The following ATXN7L2 variants were observed in gnomAD, a reference collection of about 807,000 sequenced individuals.
ATXN7L2 encodes ataxin-7-like protein 2.
Under a neutral mutation model 59.6 loss-of-function variants are expected in ATXN7L2, and 17 were observed. The ratio of observed to expected loss-of-function variants is 0.29; its 90% CI spans 0.20 to 0.43. ATXN7L2 has a LOEUF of 0.43. ATXN7L2 is among the 20% of genes least tolerant of loss of function. ATXN7L2 has a pLI of 1.00. For missense variants in ATXN7L2, 858 were observed against 1,008.9 expected (o/e 0.85, Z 2.03); for synonymous variants, 378 against 392.5 (o/e 0.96, Z 0.44).
In ATXN7L2 at chr1:109,489,041, T is replaced by C; in HGVS notation, c.1074T>C (p.Ala358=). ...SSVQVVAAVA[A]PSSTFSVRAK... ...TCCAGGTTGTAGCAGCGGTGGCTGC[T>C]CCCAGCAGCACCTTCTCTGTTCGTG... The change falls in exon 7 of 11, where the codon GCT becomes GCC. Residue 358 remains alanine, a synonymous_variant. Coordinates refer to ENST00000683729, the MANE Select transcript of ATXN7L2 (RefSeq NM_001350175.2). 6.2e-7 allele frequency: 1 copy of C among 1,614,102 alleles called. No homozygotes were observed. Among genetic ancestry groups the C allele is most frequent in the African/African-American group, 1.3e-5 (1 of 75,036 alleles).
rs772939744 is a variant in ATXN7L2 at position 109,491,554 on chromosome 1, C to T, written c.2087C>T (p.Ser696Phe). 1.2e-6 allele frequency: 2 copies of T among 1,614,002 alleles called. No individual in the cohort carries two copies. The highest frequency in any genetic ancestry group is 3.3e-5 in the Admixed American group (2 of 60,034). Residue 696 changes from serine (S) to phenylalanine (F), a missense_variant, in exon 10 of 11, where the codon TCT (serine) becomes TTT (phenylalanine). This residue lies in a region of ATXN7L2 where 734 missense variants were observed against 862.3 expected (regional missense o/e 0.85). Transcript: ENST00000683729. This position sits in a 1 kb window ranked among gnomAD's most constrained non-coding sequence, Gnocchi z 4.1. ...AAGGCCCTGCCAACCAACTGCCTCT[C>T]TGAGGAGGAGGTGGCCAAGAAGCGG... The part of the protein sequence containing the change: ...PAKALPTNCL[S>F]EEEVAKKRKN...
rs552714197 is a variant in ATXN7L2, at chr1:109,488,318, G to A, written c.797-65G>A. 1.8e-5 allele frequency: 27 copies of A among 1,467,282 alleles called. No individual in the cohort carries two copies. The highest frequency in any genetic ancestry group is 8.4e-5 in the African/African-American group (6 of 71,306). 90.9% of individuals were successfully genotyped at this position (1,467,282 alleles called of 1,614,324 possible). A position where few individuals can be genotyped will look rare whatever the true frequency, so the allele number is the denominator to read the frequency against. ...AGTTCTCAGGCCCTTGGCAGGAAGC[G>A]GCCAAATCCTCCTGTAAACTCCTGG... On this transcript the variant is annotated intron_variant, in intron 5 of 10. Coordinates refer to ENST00000683729, the MANE Select transcript of ATXN7L2 (RefSeq NM_001350175.2). This position sits in a 1 kb window ranked among gnomAD's most constrained non-coding sequence, Gnocchi z 5.0.
intron 7 of ATXN7L2, chr1:109,489,390 GA>G: frequency 2.1e-6 from 1 of 473,126 alleles, no homozygotes; most frequent in Non-Finnish European, 3.8e-6. Flanking sequence ...CTGGGGAGCT[GA>G]AAGGGTCACA....
chr1:109,485,118 G>C (rs1656481313), intron 1 of ATXN7L2: 1 of 310,466 alleles, frequency 3.2e-6, no homozygotes, highest in Non-Finnish European at 4.7e-6. Flanking sequence ...CCCTGGGGCT[G>C]CCCCATGCTG....
chr1:109,483,918 C>T lies in ATXN7L2; in HGVS notation c.-36C>T, dbSNP rs1656366141. 52 of 1,165,768 alleles carry T rather than the reference C, an allele frequency of 4.5e-5. No individual in the cohort carries two copies. Among genetic ancestry groups the T allele is most frequent in the Non-Finnish European group, 5.4e-5 (51 of 945,098 alleles). 72.2% of individuals were successfully genotyped at this position (1,165,768 alleles called of 1,614,324 possible). The stretch of plus-strand genomic sequence containing the variant: ...GGGCGAGGGGGAGGGGGCCGCGCGG[C>T]GGCGGCGCCAGGGCGGGCGCGCGTC... On this transcript the variant is annotated 5_prime_UTR_variant, in exon 1 of 11. Transcript: ENST00000683729.
rs746324253 is a variant in ATXN7L2 at position 109,491,157 on chromosome 1, A to G, written c.1690A>G (p.Ile564Val). 3.7e-6 allele frequency: 6 copies of G among 1,613,622 alleles called. No individual in the cohort carries two copies. Among genetic ancestry groups the G allele is most frequent in the Middle Eastern group, 3.3e-4 (2 of 6,062 alleles). ...QAECMGGSQA[I>V]TSPLPANTPS... ...AGAGTGCATGGGCGGGAGCCAGGCTATCACCTCACCACTGCCTGCCAACAC... is the reference window on the plus strand; with the variant it reads ...AGAGTGCATGGGCGGGAGCCAGGCTGTCACCTCACCACTGCCTGCCAACAC... Residue 564 changes from isoleucine (I) to valine (V), a missense_variant, in exon 10 of 11, where the codon ATC (isoleucine) becomes GTC (valine). By Grantham distance (29) the Ile-to-Val change is conservative (BLOSUM62 3). Coordinates refer to ENST00000683729, the MANE Select transcript of ATXN7L2 (RefSeq NM_001350175.2). The surrounding 1 kb of genome is among the most constrained non-coding windows in gnomAD (Gnocchi z 4.1).
intron 1 of ATXN7L2, chr1:109,485,838 T>C: frequency 8.3e-7 from 1 of 1,208,870 alleles, no homozygotes; most frequent in Non-Finnish European, 1.0e-6. Flanking sequence ...AGATGGGCAT[T>C]TGAGAATGGA....
rs929533508 is a variant in ATXN7L2, at chr1:109,487,787, C to T, written c.779C>T (p.Thr260Ile). The T allele has an allele frequency of 4.4e-6, 7 of 1,599,852 alleles. No homozygotes were observed. The African/African-American group carries it at 6.8e-5, about 15-fold the overall frequency. The change falls in exon 5 of 11, where the codon ACC becomes ATC. Residue 260 changes from threonine to isoleucine, a missense_variant. Around this residue, in one of 3 missense-constraint regions of ATXN7L2, gnomAD observed 734 missense variants for 862.3 expected, o/e 0.85. Transcript: ENST00000683729. ...AGTGGGACCAGGCTGCCCCCTAAAA[C>T]CCACCGGAAGATGGCTCGTGAGTAG... is the stretch of plus-strand genomic sequence containing the variant. Reference protein sequence around the residue: ...EPSGTRLPPKTHRKMARKECD... With the variant: ...EPSGTRLPPKIHRKMARKECD...
intron 8 of ATXN7L2, 54 bp downstream of exon 8, chr1:109,490,182 A>G: frequency 6.3e-7 from 1 of 1,574,854 alleles, no homozygotes; most frequent in South Asian, 1.2e-5. Flanking sequence ...CTCCTGGCCA[A>G]CAACATGGGG....
intron 7 of ATXN7L2, chr1:109,489,465 C>G (rs1307319081): frequency 3.0e-6 from 1 of 337,806 alleles, no homozygotes; most frequent in Admixed American, 4.6e-5. Flanking sequence ...GAGGCTATGC[C>G]GGACCCCAGG....
At chr1:109,485,218 T>G (rs1467119179) in intron 1 of ATXN7L2, 1 of 954,528 alleles carries the variant, frequency 1.0e-6, no homozygotes, top group Admixed American at 6.3e-5. Flanking sequence ...GAATTGATTT[T>G]TTTTTTCCCA....
rs538911833 is a variant in ATXN7L2, at chr1:109,488,681, G to A, written c.880-166G>A. On this transcript the variant is annotated intron_variant, in intron 6 of 10. Transcript: ENST00000683729. This position sits in a 1 kb window ranked among gnomAD's most constrained non-coding sequence, Gnocchi z 5.0. ...TTCCAGATTCCCCCATCCCAAAGGA[G>A]GGTTTTGGCCCCATGGGGGAATGAA... 6.6e-6 allele frequency among the ~76,000 whole-genome samples: 1 copy of A among 152,290 alleles called. No individual in the cohort carries two copies. Among genetic ancestry groups the A allele is most frequent in the African/African-American group, 2.4e-5 (1 of 41,544 alleles).
Position 109,491,062 on chromosome 1 carries a change from C to G in ATXN7L2, c.1595C>G (p.Pro532Arg). 6.2e-7 allele frequency: 1 copy of G among 1,613,718 alleles called. No individual in the cohort carries two copies. Among genetic ancestry groups the G allele is most frequent in the Non-Finnish European group, 8.5e-7 (1 of 1,179,998 alleles). ...LRPACPASMP[P>R]TKDNLVPSYP... ...CCTGCCTGCCCAGCCTCCATGCCCCCCACCAAGGACAACCTTGTCCCCAGC... is the reference window on the plus strand; with the variant it reads ...CCTGCCTGCCCAGCCTCCATGCCCCGCACCAAGGACAACCTTGTCCCCAGC... Residue 532 changes from proline (P) to arginine (R), a missense_variant, in exon 10 of 11, where the codon CCC (proline) becomes CGC (arginine). Around this residue, in one of 3 missense-constraint regions of ATXN7L2, gnomAD observed 734 missense variants for 862.3 expected, o/e 0.85. Transcript: ENST00000683729. This position sits in a 1 kb window ranked among gnomAD's most constrained non-coding sequence, Gnocchi z 4.1.
At chr1:109,485,263 G>A (rs1656496429) in intron 1 of ATXN7L2, 1 of 890,146 alleles carries the variant, frequency 1.1e-6, no homozygotes, top group African/African-American at 1.9e-5. Context: ...AGGGAGGGGG[G>A]AGGAGAGAGG....
Position 109,490,780 on chromosome 1 carries a change from C to T in ATXN7L2, c.1455-142C>T. 4.1e-6 allele frequency: 4 copies of T among 973,966 alleles called. No homozygotes were observed. The South Asian group carries it at 5.0e-5, about 12-fold the overall frequency. 60.3% of individuals were successfully genotyped at this position (973,966 alleles called of 1,614,324 possible). A position where few individuals can be genotyped will look rare whatever the true frequency, so the allele number is the denominator to read the frequency against. On this transcript the variant is annotated intron_variant, in intron 9 of 10. Coordinates refer to ENST00000683729, the MANE Select transcript of ATXN7L2 (RefSeq NM_001350175.2). ...TGTGTCTTCTTCCTAACCCTCAGTT[C>T]CAGCATCTCCCAGCAGATGGCAGCA...
chr1:109,488,762 C>T lies in ATXN7L2; in HGVS notation c.880-85C>T. Reference sequence around the variant, plus strand: ...GCCCACCTCTCTCCCTGCCCCCCAACTTGCCCGGGCCAAAGCACCCTGCCG... The same window carrying T: ...GCCCACCTCTCTCCCTGCCCCCCAATTTGCCCGGGCCAAAGCACCCTGCCG... On this transcript the variant is annotated intron_variant, in intron 6 of 10. Coordinates refer to ENST00000683729, the MANE Select transcript of ATXN7L2 (RefSeq NM_001350175.2). This position sits in a 1 kb window ranked among gnomAD's most constrained non-coding sequence, Gnocchi z 5.0. 1.3e-6 allele frequency: 2 copies of T among 1,487,546 alleles called. No homozygotes were observed. Among genetic ancestry groups the T allele is most frequent in the Non-Finnish European group, 1.8e-6 (2 of 1,094,714 alleles). The allele number at this position is 1,487,546 out of a possible 1,614,324, so 92.1% of individuals were successfully genotyped here.
chr1:109,492,407 C>A (rs1031611850), intron 10 of ATXN7L2, among the ~76,000 whole-genome samples, 179 bp from the exon 11 acceptor site: 4 of 152,226 alleles, frequency 2.6e-5, no homozygotes, highest in African/African-American at 9.7e-5. Flanking sequence ...TGTTCTCCAG[C>A]TTCACTACCC....
In ATXN7L2 at chr1:109,487,161, G is replaced by A. The variant is rs1284644511; in HGVS notation, c.453G>A (p.Gln151=). ...AAACCTCCTCCAGGGAGAAGGGCCA[G>A]GGGTCCCGGAGCCGTGGCCACCAGC... The part of the protein sequence containing the change: ...STKTSSREKG[Q]GSRSRGHQPP... Residue 151 remains glutamine, a synonymous_variant, in exon 4 of 11, where the codon CAG becomes CAA. Transcript: ENST00000683729. 5 of 1,603,258 alleles carry A rather than the reference G, an allele frequency of 3.1e-6. No individual in the cohort carries two copies. The highest frequency in any genetic ancestry group is 4.3e-6 in the Non-Finnish European group (5 of 1,174,862).
At chr1:109,487,836 G>A (rs1156880168) in intron 5 of ATXN7L2, 32 bp downstream of exon 5, 10 of 1,560,114 alleles carry the variant, frequency 6.4e-6, no homozygotes, top group African/African-American at 1.4e-5. Context: ...GGTCCAGAAT[G>A]TAGAGTGGGG....
Sources: allele counts gnomAD v4.1 joint callset (sites outside exome capture counted in the v4.1 genomes callset), GRCh38; gene constraint gnomAD v4.1.1; regional missense constraint gnomAD v4.1.1; non-coding constraint Gnocchi (gnomAD v3.1); transcripts MANE v1.5; gene names NCBI Gene and HGNC (gene_info 2026-07-23, HGNC 2026-07-21).